Variants in AGPAT4 observed in about 807,000 individuals in gnomAD.
AGPAT4 encodes the protein 1-acyl-sn-glycerol-3-phosphate acyltransferase delta.
AGPAT4 carries 15 observed loss-of-function variants against 48.0 expected under a neutral mutation model. The observed-to-expected ratio is 0.31, with a 90% CI of 0.21 to 0.48. The LOEUF is 0.48. AGPAT4 is among the 20% of genes least tolerant of loss of function. The pLI, the probability that AGPAT4 is intolerant of heterozygous loss-of-function variation, is 0.99. For synonymous variants in AGPAT4, 178 were observed against 198.7 expected (o/e 0.90, Z 0.88); for missense variants, 314 against 482.5 (o/e 0.65, Z 3.27).
rs1781127402 is a variant in AGPAT4 at position 161,198,380 on chromosome 6, G to A, written c.179-31963C>T. ...TTTTTCATTGTCACGGTTTGGAAGG[G>A]GGATGCTATTCATTAAGGGTAGGAG... On this transcript the variant is annotated intron_variant, in intron 2 of 8. Transcript: ENST00000320285. This position sits in a 1 kb window ranked among gnomAD's most constrained non-coding sequence, Gnocchi z 4.3. 6.6e-6 allele frequency among the ~76,000 whole-genome samples: 1 copy of A among 152,218 alleles called. No homozygotes were observed. Among genetic ancestry groups the A allele is most frequent in the African/African-American group, 2.4e-5 (1 of 41,444 alleles).
chr6:161,257,434 A>T (rs189423173), intron 1 of AGPAT4, among the ~76,000 whole-genome samples: 1 of 152,346 alleles, frequency 6.6e-6, no homozygotes, highest in Admixed American at 6.5e-5. Context: ...ACATGTGAGG[A>T]TGGATCCTGT....
Position 161,214,469 on chromosome 6 carries a change from T to C in AGPAT4, c.178+17567A>G, listed in dbSNP as rs1185319471. On this transcript the variant is annotated intron_variant, in intron 2 of 8. Transcript: ENST00000320285. This position sits in a 1 kb window ranked among gnomAD's most constrained non-coding sequence, Gnocchi z 5.4. ...ACTGTAACACAATGGTAACTATTTG[T>C]GTATCTAAACATAGGGCTGGGCATG... 6.6e-6 allele frequency among the ~76,000 whole-genome samples: 1 copy of C among 152,220 alleles called. No individual in the cohort carries two copies. The highest frequency in any genetic ancestry group is 1.5e-5 in the Non-Finnish European group (1 of 68,038).
At position 161,165,676 on chromosome 6, in the gene AGPAT4, A is replaced by G. The variant is rs933774979; in HGVS notation, c.348+572T>C. On this transcript the variant is annotated intron_variant, in intron 3 of 8. Transcript: ENST00000320285. This position sits in a 1 kb window ranked among gnomAD's most constrained non-coding sequence, Gnocchi z 5.5. The stretch of plus-strand genomic sequence containing the variant: ...CGACAAAAGTCAACTGAAGAGACCC[A>G]GTTCCAAAGGCATGCAAGCTACGTG... The G allele has an allele frequency of 5.4e-6, 7 of 1,291,852 alleles. No homozygotes were observed. Among genetic ancestry groups the G allele is most frequent in the Non-Finnish European group, 7.2e-6 (7 of 977,248 alleles). The allele number at this position is 1,291,852 out of a possible 1,614,324, so 80.0% of individuals were successfully genotyped here.
Position 161,247,561 on chromosome 6 carries a change from A to T in AGPAT4, c.-89-15259T>A, listed in dbSNP as rs6918051. On this transcript the variant is annotated intron_variant, in intron 1 of 8. Coordinates refer to ENST00000320285, the MANE Select transcript of AGPAT4 (RefSeq NM_020133.3). ...GTATTGAAGGAACGTTCCTTAAAAT[A>T]ATAAGAGCCATCTATGACAAACCCA... Among the ~76,000 whole-genome samples, 1,084 of 152,330 alleles carry T rather than the reference A, an allele frequency of 7.1e-3. 20 individuals carry two copies. The highest frequency in any genetic ancestry group is 0.025 in the African/African-American group (1,026 of 41,576).
chr6:161,251,751 G>A lies in AGPAT4; in HGVS notation c.-89-19449C>T, dbSNP rs1782810782. On this transcript the variant is annotated intron_variant, in intron 1 of 8. Coordinates refer to ENST00000320285, the MANE Select transcript of AGPAT4 (RefSeq NM_020133.3). This position sits in a 1 kb window ranked among gnomAD's most constrained non-coding sequence, Gnocchi z 4.6. ...CGTTTCCCATTCAAACATGGGAGAC[G>A]TGCTCTTGATACACATAAGGGCATT... is the stretch of plus-strand genomic sequence containing the variant. Among the ~76,000 whole-genome samples the A allele has an allele frequency of 2.0e-5, 3 of 152,166 alleles. No individual in the cohort carries two copies. The highest frequency in any genetic ancestry group is 2.1e-4 in the South Asian group (1 of 4,826).
chr6:161,224,916 G>T (rs1781931105), intron 2 of AGPAT4, among the ~76,000 whole-genome samples: 1 of 152,188 alleles, frequency 6.6e-6, no homozygotes. Context: ...CAATATGTCA[G>T]TATGTTCAAT....
rs756592432 is a variant in AGPAT4 at position 161,166,176 on chromosome 6, G to A, written c.348+72C>T. The A allele has an allele frequency of 5.1e-6, 8 of 1,553,840 alleles. No homozygotes were observed. The African/African-American group carries it at 8.2e-5, about 16-fold the overall frequency. ...TCTTCTGCAAGTTCTGAATGACCAG[G>A]AGCAAAAAGACAAGTGGTGGGGCTG... On this transcript the variant is annotated intron_variant, in intron 3 of 8. Coordinates refer to ENST00000320285, the MANE Select transcript of AGPAT4 (RefSeq NM_020133.3). This position sits in a 1 kb window ranked among gnomAD's most constrained non-coding sequence, Gnocchi z 6.7.
intron 7 of AGPAT4, among the ~76,000 whole-genome samples, chr6:161,145,043 G>A (rs1779378700): frequency 6.6e-6 from 1 of 151,658 alleles, no homozygotes; most frequent in Admixed American, 6.5e-5. Flanking sequence ...CCAGAAAACA[G>A]AGCAAGAAAA....
chr6:161,166,087 G>T lies in AGPAT4; in HGVS notation c.348+161C>A. ...TTGCCCATAAGAAGCTGTTAAGACT[G>T]ACTCCCAGCAAGAATAAAAAGCAGT... On this transcript the variant is annotated intron_variant, in intron 3 of 8. Transcript: ENST00000320285. The surrounding 1 kb of genome is among the most constrained non-coding windows in gnomAD (Gnocchi z 6.7). 1.1e-6 allele frequency: 1 copy of T among 933,718 alleles called. No homozygotes were observed. The highest frequency in any genetic ancestry group is 1.7e-5 in the South Asian group (1 of 58,328). 57.8% of individuals were successfully genotyped at this position (933,718 alleles called of 1,614,324 possible).
At position 161,261,360 on chromosome 6, in the gene AGPAT4, C is replaced by T. The variant is rs1783095320; in HGVS notation, c.-90+12578G>A. Reference sequence around the variant, plus strand: ...CTATTTCCCTTCGTGTGTATATCTGCCATCCCACGAAGCAGGCTTCCTCAG... The same window carrying T: ...CTATTTCCCTTCGTGTGTATATCTGTCATCCCACGAAGCAGGCTTCCTCAG... On this transcript the variant is annotated intron_variant, in intron 1 of 8. Coordinates refer to ENST00000320285, the MANE Select transcript of AGPAT4 (RefSeq NM_020133.3). This position sits in a 1 kb window ranked among gnomAD's most constrained non-coding sequence, Gnocchi z 5.3. Among the ~76,000 whole-genome samples, 1 of 152,240 alleles carries T rather than the reference C, an allele frequency of 6.6e-6. No individual in the cohort carries two copies. The highest frequency in any genetic ancestry group is 1.5e-5 in the Non-Finnish European group (1 of 68,048).
chr6:161,215,277 T>C lies in AGPAT4; in HGVS notation c.178+16759A>G, dbSNP rs1781614424. Among the ~76,000 whole-genome samples, 1 of 152,214 alleles carries C rather than the reference T, an allele frequency of 6.6e-6. No individual in the cohort carries two copies. Among genetic ancestry groups the C allele is most frequent in the South Asian group, 2.1e-4 (1 of 4,838 alleles). ...GTTGCCTAGTTAGCAAATGTTTCTG[T>C]AGAATTAAGCTTCCCCGTATCTGTG... On this transcript the variant is annotated intron_variant, in intron 2 of 8. Transcript: ENST00000320285. This position sits in a 1 kb window ranked among gnomAD's most constrained non-coding sequence, Gnocchi z 4.5.
In AGPAT4 at chr6:161,249,778, A is replaced by T. The variant is rs1287875082; in HGVS notation, c.-89-17476T>A. On this transcript the variant is annotated intron_variant, in intron 1 of 8. Coordinates refer to ENST00000320285, the MANE Select transcript of AGPAT4 (RefSeq NM_020133.3). The surrounding 1 kb of genome is among the most constrained non-coding windows in gnomAD (Gnocchi z 6.2). Reference sequence around the variant, plus strand: ...ATTCCTCAAAGACCTAAAAACAGAAATATCATTCGACCCAGCAATCCCATT... The same window carrying T: ...ATTCCTCAAAGACCTAAAAACAGAATTATCATTCGACCCAGCAATCCCATT... Among the ~76,000 whole-genome samples the T allele has an allele frequency of 6.6e-6, 1 of 152,216 alleles. No homozygotes were observed. The highest frequency in any genetic ancestry group is 6.5e-5 in the Admixed American group (1 of 15,272).
chr6:161,210,261 T>C (rs1781487541), intron 2 of AGPAT4, among the ~76,000 whole-genome samples: 1 of 152,228 alleles, frequency 6.6e-6, no homozygotes, highest in Non-Finnish European at 1.5e-5. Context: ...ACCAGACTTT[T>C]TCTCTCTGTA....
chr6:161,146,618 G>A lies in AGPAT4; in HGVS notation c.768-19C>T, dbSNP rs762847778. ...GATCCTCCTGCAAAGGCAGAGAGCAGCTAGCAGAGAGGAGGTGATGCCCCC... is the reference window on the plus strand; with the variant it reads ...GATCCTCCTGCAAAGGCAGAGAGCAACTAGCAGAGAGGAGGTGATGCCCCC... On this transcript the variant is annotated intron_variant, in intron 6 of 8. Transcript: ENST00000320285. The surrounding 1 kb of genome is among the most constrained non-coding windows in gnomAD (Gnocchi z 7.1). The A allele has an allele frequency of 6.2e-7, 1 of 1,613,344 alleles. No homozygotes were observed. The highest frequency in any genetic ancestry group is 2.2e-5 in the East Asian group (1 of 44,880).
Position 161,138,119 on chromosome 6 carries a change from G to A in AGPAT4, c.1042+1303C>T, listed in dbSNP as rs1779131844. Among the ~76,000 whole-genome samples the A allele has an allele frequency of 6.6e-6, 1 of 152,218 alleles. No individual in the cohort carries two copies. The highest frequency in any genetic ancestry group is 2.4e-5 in the African/African-American group (1 of 41,456). On this transcript the variant is annotated intron_variant, in intron 8 of 8. Transcript: ENST00000320285. This position sits in a 1 kb window ranked among gnomAD's most constrained non-coding sequence, Gnocchi z 4.8. Reference sequence around the variant, plus strand: ...GGCCCTGGCACCTGCAGCTGCCCCGGACCCTTGGCCAGCCTCAGCATGGCG... The same window carrying A: ...GGCCCTGGCACCTGCAGCTGCCCCGAACCCTTGGCCAGCCTCAGCATGGCG...
intron 1 of AGPAT4, among the ~76,000 whole-genome samples, chr6:161,271,442 A>C (rs1414954407): frequency 5.3e-5 from 8 of 152,176 alleles, no homozygotes; most frequent in Non-Finnish European, 1.2e-4. Context: ...TTTAAGCTTG[A>C]GAGCACAGAC....
In AGPAT4 at chr6:161,217,254, A is replaced by G. The variant is rs1471420948; in HGVS notation, c.178+14782T>C. ...AGGGACATGCTGAGCTGGAAAACCT[A>G]GCCTTGGGTCAGAACTGGGCTCCCA... On this transcript the variant is annotated intron_variant, in intron 2 of 8. Transcript: ENST00000320285. The surrounding 1 kb of genome is among the most constrained non-coding windows in gnomAD (Gnocchi z 4.9). Among the ~76,000 whole-genome samples the G allele has an allele frequency of 6.6e-6, 1 of 152,180 alleles. No homozygotes were observed. The highest frequency in any genetic ancestry group is 1.5e-5 in the Non-Finnish European group (1 of 68,028).
rs776472304 is a variant in AGPAT4 at position 161,232,003 on chromosome 6, G to A, written c.178+33C>T. The stretch of plus-strand genomic sequence containing the variant: ...TAATTCTGATACACACATCCACAAT[G>A]GAGACGAAAATATAGAATCTTAAGT... On this transcript the variant is annotated intron_variant, in intron 2 of 8. Coordinates refer to ENST00000320285, the MANE Select transcript of AGPAT4 (RefSeq NM_020133.3). The surrounding 1 kb of genome is among the most constrained non-coding windows in gnomAD (Gnocchi z 6.8). 1.2e-6 allele frequency: 2 copies of A among 1,604,488 alleles called. No individual in the cohort carries two copies. Among genetic ancestry groups the A allele is most frequent in the Non-Finnish European group, 1.7e-6 (2 of 1,172,508 alleles).
intron 1 of AGPAT4, among the ~76,000 whole-genome samples, chr6:161,257,562 TG>T (rs534811804): frequency 6.0e-4 from 92 of 152,296 alleles, no homozygotes; most frequent in African/African-American, 2.0e-3. Flanking sequence ...GGTGAATTTA[TG>T]GTATGTAAAT....
Sources: gnomAD v4.1 joint callset for allele counts (sites outside exome capture counted in the v4.1 genomes callset) on GRCh38, gnomAD v4.1.1 for gene constraint, Gnocchi (gnomAD v3.1) non-coding constraint, MANE v1.5 for transcripts, NCBI Gene and HGNC (gene_info 2026-07-23, HGNC 2026-07-21) for gene names.